BRCA1: variants seen among roughly 807,000 people sequenced by gnomAD.
BRCA1 encodes breast cancer type 1 susceptibility protein.
BRCA1 carries 140 observed loss-of-function variants against 173.7 expected under a neutral mutation model. That is an observed-to-expected ratio of 0.81 (90% CI 0.70 to 0.93). The LOEUF (loss-of-function observed/expected upper bound fraction) is 0.93. BRCA1 is among the 40% of genes least tolerant of loss of function. The pLI, the probability that BRCA1 is intolerant of heterozygous loss-of-function variation, is 0.00. For missense variants in BRCA1, 1,983 were observed against 2,172.5 expected (o/e 0.91, Z 1.73); for synonymous variants, 662 against 756.0 (o/e 0.88, Z 2.04).
intron 2 of BRCA1, among the ~76,000 whole-genome samples, chr17:43,116,143 T>C (rs146602768): frequency 9.1e-4 from 138 of 152,340 alleles, no homozygotes; most frequent in African/African-American, 3.3e-3. Flanking sequence ...TTAAGCTCCA[T>C]AAAGACAAAA....
chr17:43,063,118 G>A (rs746054547), intron 18 of BRCA1, among the ~76,000 whole-genome samples: 3 of 151,940 alleles, frequency 2.0e-5, no homozygotes, highest in Admixed American at 6.6e-5. Flanking sequence ...TTGAACTCCC[G>A]ACATCAGGTG....
At chr17:43,087,554 C>T (rs774785050) in intron 11 of BRCA1, among the ~76,000 whole-genome samples, 5 of 151,150 alleles carry the variant, frequency 3.3e-5, no homozygotes, top group East Asian at 3.9e-4. Context: ...CCCAGCTACT[C>T]GGGAGGCTGA....
At position 43,100,657 on chromosome 17, in the gene BRCA1, C is replaced by CATAT. The variant is rs1215235568; in HGVS notation, c.442-781_442-778dup. 5.0e-4 allele frequency among the ~76,000 whole-genome samples: 8 copies of CATAT among 16,118 alleles called. 1 individual carries two copies. Among genetic ancestry groups the CATAT allele is most frequent in the African/African-American group, 1.6e-3 (3 of 1,866 alleles). 10.6% of individuals were successfully genotyped at this position (16,118 alleles called of 152,430 possible). A position where few individuals can be genotyped will look rare whatever the true frequency, so the allele number is the denominator to read the frequency against. ...TTATATATATATAACATATATATAACATATATATATATATATATATAATAT... is the reference window on the plus strand; with the variant it reads ...TTATATATATATAACATATATATAACATATATATATATATATATATATATAATAT... On this transcript the variant is annotated intron_variant, in intron 6 of 22. Transcript: ENST00000357654.
At chr17:43,156,107 C>T (rs1470739003) in intron 1 of BRCA1, among the ~76,000 whole-genome samples, 7 of 152,040 alleles carry the variant, frequency 4.6e-5, no homozygotes, top group Non-Finnish European at 1.0e-4. Flanking sequence ...CATGGTGGCA[C>T]GCACCTGTAG....
At position 43,090,929 on chromosome 17, in the gene BRCA1, A is replaced by G. The variant is rs1173950890; in HGVS notation, c.4185+15T>C. The G allele has an allele frequency of 1.2e-6, 2 of 1,600,690 alleles. No homozygotes were observed. Among genetic ancestry groups the G allele is most frequent in the South Asian group, 1.1e-5 (1 of 89,376 alleles). On this transcript the variant is annotated intron_variant, in intron 11 of 22. Transcript: ENST00000357654. ...ACCACACACACGCATGTGCACACACACACACGCTTTTTACCTGAGTGGTTA... is the reference window on the plus strand; with the variant it reads ...ACCACACACACGCATGTGCACACACGCACACGCTTTTTACCTGAGTGGTTA...
intron 1 of BRCA1, among the ~76,000 whole-genome samples, chr17:43,154,840 A>G (rs2056186676): frequency 6.6e-6 from 1 of 152,026 alleles, no homozygotes; most frequent in African/African-American, 2.4e-5. Context: ...AAGCAGGGTA[A>G]GGGGAAACAG....
At chr17:43,052,745 T>C (rs1376179871) in intron 19 of BRCA1, among the ~76,000 whole-genome samples, 2 of 146,838 alleles carry the variant, frequency 1.4e-5, no homozygotes, top group Non-Finnish European at 3.0e-5. Flanking sequence ...TTTTAGAAAG[T>C]GGTCACCCTC....
intron 1 of BRCA1, chr17:43,166,466 C>A (rs2056269258): frequency 6.6e-6 from 1 of 152,144 alleles, no homozygotes; most frequent in South Asian, 2.1e-4. Flanking sequence ...GCCAACCTAC[C>A]TCTAATGCTG....
Position 43,117,558 on chromosome 17 carries a change from G to A in BRCA1, c.81-1779C>T, listed in dbSNP as rs546463310. On this transcript the variant is annotated intron_variant, in intron 2 of 22. Coordinates refer to ENST00000357654, the MANE Select transcript of BRCA1 (RefSeq NM_007294.4). ...TTTCGAGACCAGCCTGGCCAACACA[G>A]TGAAACGCTGTCTCTACTAAAAATA... is the stretch of plus-strand genomic sequence containing the variant. Among the ~76,000 whole-genome samples the A allele has an allele frequency of 6.6e-5, 10 of 152,258 alleles. No individual in the cohort carries two copies. In the East Asian group the frequency reaches 1.9e-3, roughly 29 times the overall value.
At chr17:43,069,542 A>G (rs1332595285) in intron 15 of BRCA1, among the ~76,000 whole-genome samples, 8 of 152,248 alleles carry the variant, frequency 5.3e-5, no homozygotes, top group Non-Finnish European at 1.2e-4. Flanking sequence ...CAATGAATAA[A>G]TAAGGAATTC....
Position 43,045,431 on chromosome 17 carries a change from A to C in BRCA1, c.*247T>G. 1 of 690,792 alleles carries C rather than the reference A, an allele frequency of 1.4e-6. No homozygotes were observed. The allele number at this position is 690,792 out of a possible 1,614,324, so 42.8% of individuals were successfully genotyped here. A position where few individuals can be genotyped will look rare whatever the true frequency, so the allele number is the denominator to read the frequency against. On this transcript the variant is annotated 3_prime_UTR_variant, in exon 23 of 23. Transcript: ENST00000357654. ...TTGGTGGCGTTTAAATGGTTTTAAA[A>C]TCTTCTCAGGTGAAAAATTACCATA...
In BRCA1 at chr17:43,093,930, T is replaced by C. The variant is rs80357173; in HGVS notation, c.1601A>G (p.Gln534Arg). The change falls in exon 10 of 23, where the codon CAG becomes CGG. Residue 534 changes from glutamine to arginine, a missense_variant. Physicochemically the swap from Gln to Arg is conservative, Grantham distance 43 (BLOSUM62 1). Coordinates refer to ENST00000357654, the MANE Select transcript of BRCA1 (RefSeq NM_007294.4). Reference sequence around the variant, plus strand: ...ATTCTGCTCCGTTTGGTTAGTTCCCTGATTTATCATTTCAGGAGTCTTTTG... The same window carrying C: ...ATTCTGCTCCGTTTGGTTAGTTCCCCGATTTATCATTTCAGGAGTCTTTTG... ...AVQKTPEMIN[Q>R]GTNQTEQNGQ... 1.2e-6 allele frequency: 2 copies of C among 1,613,948 alleles called. No individual in the cohort carries two copies. Among genetic ancestry groups the C allele is most frequent in the East Asian group, 2.2e-5 (1 of 44,868 alleles).
Position 43,059,511 on chromosome 17 carries a change from AAC to A in BRCA1, c.5194-2378_5194-2377del, listed in dbSNP as rs1163523175. 3.3e-5 allele frequency among the ~76,000 whole-genome samples: 5 copies of A among 151,742 alleles called. No individual in the cohort carries two copies. The South Asian group carries it at 6.3e-4, about 19-fold the overall frequency. On this transcript the variant is annotated intron_variant, in intron 18 of 22. Coordinates refer to ENST00000357654, the MANE Select transcript of BRCA1 (RefSeq NM_007294.4). ...CAACAACAACAACAACAACAACAAC[AAC>A]AAATTCTCACATCTAAAACAGAGTT...
At chr17:43,099,605 G>C (rs2054281638) in intron 7 of BRCA1, among the ~76,000 whole-genome samples, 170 bp downstream of exon 7, 1 of 152,054 alleles carries the variant, frequency 6.6e-6, no homozygotes, top group South Asian at 2.1e-4. Flanking sequence ...GATTCTTCAA[G>C]GTGGGAACTG....
At chr17:43,152,570 A>G (rs2056168944) in intron 1 of BRCA1, among the ~76,000 whole-genome samples, 1 of 150,992 alleles carries the variant, frequency 6.6e-6, no homozygotes, top group African/African-American at 2.4e-5. Flanking sequence ...AATACAAAAA[A>G]TTGGCTGGGC....
At chr17:43,157,994 T>TAA (rs2056208821) in intron 1 of BRCA1, among the ~76,000 whole-genome samples, 1 of 113,292 alleles carries the variant, frequency 8.8e-6, no homozygotes, top group African/African-American at 3.8e-5. Flanking sequence ...AAACTCTGTC[T>TAA]CAAAAAAAAA....
chr17:43,162,445 C>T (rs759733305), intron 1 of BRCA1: 2 of 152,120 alleles, frequency 1.3e-5, no homozygotes, highest in Admixed American at 6.6e-5. Flanking sequence ...GTCCTCAGTC[C>T]TTAATCTTAT....
At chr17:43,055,556 G>A (rs917612434) in intron 19 of BRCA1, among the ~76,000 whole-genome samples, 2 of 152,098 alleles carry the variant, frequency 1.3e-5, no homozygotes, top group South Asian at 2.1e-4. Context: ...AGCCTGAGGC[G>A]GGCAGATGAT....
chr17:43,118,750 T>G (rs1207732306), intron 2 of BRCA1, among the ~76,000 whole-genome samples: 1 of 149,826 alleles, frequency 6.7e-6, no homozygotes, highest in Non-Finnish European at 1.5e-5. Flanking sequence ...AGCTTTCTTC[T>G]GAATGTGAAC....
Sources: allele counts gnomAD v4.1 joint callset (sites outside exome capture counted in the v4.1 genomes callset), GRCh38; gene constraint gnomAD v4.1.1; transcripts MANE v1.5; gene names NCBI Gene and HGNC (gene_info 2026-07-23, HGNC 2026-07-21).